The following POP4 variants were observed in gnomAD, a reference collection of about 807,000 sequenced individuals.
The protein encoded by POP4 is POP4 ribonuclease P/MRP subunit.
In POP4, 31 loss-of-function variants were observed where a neutral mutation model predicts 29.9. The observed-to-expected ratio is 1.04, with a 90% CI of 0.78 to 1.40. The LOEUF (loss-of-function observed/expected upper bound fraction) is 1.40, where lower values mean the gene tolerates loss of function less well. Ranked by LOEUF, POP4 falls within the 40% of genes most tolerant of loss-of-function variation. POP4 has a pLI of 0.00. For synonymous variants in POP4, 110 were observed against 108.2 expected, an observed-to-expected ratio of 1.02 and a Z score of -0.10; for missense variants, 286 against 282.7, an observed-to-expected ratio of 1.01 and a Z score of -0.08.
intron 6 of POP4, 148 bp downstream of exon 6, chr19:29,614,120 G>GGGGATGGTCTCTGC: frequency 7.0e-7 from 1 of 1,422,412 alleles, no homozygotes; most frequent in Non-Finnish European, 9.2e-7. Context: ...AAAGCCTGCA[G>GGGGATGGTCTCTGC]AGACCATCCC....
rs111455296 is a variant in POP4, at chr19:29,613,742, G to A, written c.425-129G>A. The stretch of plus-strand genomic sequence containing the variant: ...CCCAGCTGTTGAGCCCCCACCCCCT[G>A]GGTGCTCTGTTCTTTCATCTGCTAG... On this transcript the variant is annotated intron_variant, in intron 5 of 6. Coordinates refer to ENST00000585603, the MANE Select transcript of POP4 (RefSeq NM_006627.3). The A allele has an allele frequency of 1.3e-5, 19 of 1,410,112 alleles. 1 individual carries two copies. The African/African-American group carries it at 1.4e-4, about 11-fold the overall frequency. 87.3% of individuals were successfully genotyped at this position (1,410,112 alleles called of 1,614,324 possible).
At chr19:29,613,586 T>C (rs758887332) in intron 5 of POP4, among the ~76,000 whole-genome samples, 3 of 152,212 alleles carry the variant, frequency 2.0e-5, no homozygotes, top group African/African-American at 7.2e-5. Context: ...TGGGCACATA[T>C]GTGACCTTTA....
Position 29,616,423 on chromosome 19 carries a change from TC to T in POP4, c.*1044del, listed in dbSNP as rs534358058. ...CCTTTGAGGAGCAAGTCTCTGCCGA[TC>T]AGCAAGGCAAGGCCAGGAGCCCTCC... On this transcript the variant is annotated 3_prime_UTR_variant, in exon 7 of 7. Transcript: ENST00000585603. The T allele has an allele frequency of 6.2e-4, 94 of 152,304 alleles. 2 individuals are homozygous for T. The highest frequency in any genetic ancestry group is 2.2e-3 in the African/African-American group (91 of 41,516). 9.4% of individuals were successfully genotyped at this position (152,304 alleles called of 1,614,324 possible).
chr19:29,614,337 C>T (rs1971107091), intron 6 of POP4, among the ~76,000 whole-genome samples: 2 of 152,158 alleles, frequency 1.3e-5, no homozygotes, highest in Admixed American at 6.6e-5. Flanking sequence ...ACAGGAGTGG[C>T]GCCTGTCCCT....
intron 2 of POP4, among the ~76,000 whole-genome samples, chr19:29,609,635 T>G (rs1263298387): frequency 6.6e-6 from 1 of 152,062 alleles, no homozygotes; most frequent in Non-Finnish European, 1.5e-5. Context: ...CTTTGTTTGT[T>G]TGTTTGTTTG....
chr19:29,610,590 G>A lies in POP4; in HGVS notation c.242G>A (p.Arg81Lys), dbSNP rs761155586. 6.2e-7 allele frequency: 1 copy of A among 1,614,180 alleles called. No individual in the cohort carries two copies. Among genetic ancestry groups the A allele is most frequent in the Non-Finnish European group, 8.5e-7 (1 of 1,180,046 alleles). ...KKAKGLSARQ[R>K]RELRLFDIKP... ...GCCAAAGGCCTCTCTGCCAGGCAAA[G>A]GAGGGAGCTGCGGCTCTTTGACATT... Residue 81 changes from arginine to lysine, a missense_variant, in exon 3 of 7, where the codon AGG becomes AAG. Arg to Lys is a conservative substitution (Grantham distance 26). Transcript: ENST00000585603.
rs1971139172 is a variant in POP4, at chr19:29,616,970, C to G, written c.*1590C>G. On this transcript the variant is annotated 3_prime_UTR_variant, in exon 7 of 7. Coordinates refer to ENST00000585603, the MANE Select transcript of POP4 (RefSeq NM_006627.3). ...GATTGAGATTTGGACCTAATAGGCT[C>G]CAGAACTGTGCTTTGAGCTACAGGG... 1 of 152,144 alleles carries G rather than the reference C, an allele frequency of 6.6e-6. No individual in the cohort carries two copies. The allele number at this position is 152,144 out of a possible 1,614,324, so 9.4% of individuals were successfully genotyped here. A position where few individuals can be genotyped will look rare whatever the true frequency, so the allele number is the denominator to read the frequency against.
In POP4 at chr19:29,615,329, A is replaced by G; in HGVS notation, c.612A>G (p.Ser204=). Residue 204 remains serine, a synonymous_variant, in exon 7 of 7, where the codon TCA becomes TCG. Transcript: ENST00000585603. ...YIYGSKFQLR[S]SERSAKKFKA... ...ACGGGAGCAAATTCCAGCTTCGGTCAAGTGAACGGTCTGCGAAGAAGTTCA... is the reference window on the plus strand; with the variant it reads ...ACGGGAGCAAATTCCAGCTTCGGTCGAGTGAACGGTCTGCGAAGAAGTTCA... The G allele has an allele frequency of 6.2e-7, 1 of 1,613,486 alleles. No homozygotes were observed. The highest frequency in any genetic ancestry group is 8.5e-7 in the Non-Finnish European group (1 of 1,179,932).
rs181048017 is a variant in POP4 at position 29,608,513 on chromosome 19, G to A, written c.8-144G>A. 6.9e-4 allele frequency: 487 copies of A among 708,424 alleles called. 3 individuals carry two copies. In the East Asian group the frequency reaches 0.012, roughly 17 times the overall value. The allele number at this position is 708,424 out of a possible 1,614,324, so 43.9% of individuals were successfully genotyped here. On this transcript the variant is annotated intron_variant, in intron 1 of 6. Transcript: ENST00000585603. ...AACTCCTGACCTTGGGTCAGGATCC[G>A]CCCGCCTTGGCCTCCCAAAGTGCTA...
intron 1 of POP4, 59 bp from the exon 2 acceptor site, chr19:29,608,598 C>T: frequency 6.6e-7 from 1 of 1,509,222 alleles, no homozygotes; most frequent in African/African-American, 1.4e-5. Context: ...TTAGAAAAGT[C>T]TTGGGTCTTA....
At position 29,610,583 on chromosome 19, in the gene POP4, AG is replaced by A; in HGVS notation, c.237del (p.Arg79SerfsTer47). The A allele has an allele frequency of 6.2e-6, 10 of 1,614,194 alleles. No individual in the cohort carries two copies. The highest frequency in any genetic ancestry group is 8.5e-6 in the Non-Finnish European group (10 of 1,180,040). On this transcript the variant is annotated frameshift_variant, in exon 3 of 7. Transcript: ENST00000585603. LOFTEE classifies it high-confidence loss of function. Reference sequence around the variant, plus strand: ...GAAGAAAGCCAAAGGCCTCTCTGCCAGGCAAAGGAGGGAGCTGCGGCTCTTT... The same window carrying A: ...GAAGAAAGCCAAAGGCCTCTCTGCCAGCAAAGGAGGGAGCTGCGGCTCTTT... ...KKKKAKGLSA[R>X]QRRELRLFDI... is the part of the protein sequence containing the mutation.
At position 29,612,165 on chromosome 19, in the gene POP4, G is replaced by C. The variant is rs146749010; in HGVS notation, c.411G>C (p.Gly137=). 11 of 1,609,586 alleles carry C rather than the reference G, an allele frequency of 6.8e-6. No homozygotes were observed. The African/African-American group carries it at 1.2e-4, about 18-fold the overall frequency. ...QAKLLKADLH[G]AIISVTKSKC... is the part of the protein sequence containing the mutation. Reference sequence around the variant, plus strand: ...AGCTCTTAAAGGCAGATCTTCACGGGGCTATTATTTCAGGTAATTTACCTA... The same window carrying C: ...AGCTCTTAAAGGCAGATCTTCACGGCGCTATTATTTCAGGTAATTTACCTA... The change falls in exon 5 of 7, where the codon GGG becomes GGC. Residue 137 remains glycine, a synonymous_variant. Transcript: ENST00000585603.
chr19:29,612,278 C>T (rs529654983), intron 5 of POP4, 100 bp downstream of exon 5: 62 of 1,140,662 alleles, frequency 5.4e-5, no homozygotes, highest in Middle Eastern at 2.4e-4. Context: ...CACTCTTTAC[C>T]GTGTGGATTC....
chr19:29,616,398 C>G lies in POP4; in HGVS notation c.*1018C>G, dbSNP rs1274564443. The G allele has an allele frequency of 6.6e-6, 1 of 152,282 alleles. No homozygotes were observed. Among genetic ancestry groups the G allele is most frequent in the South Asian group, 2.1e-4 (1 of 4,826 alleles). 9.4% of individuals were successfully genotyped at this position (152,282 alleles called of 1,614,324 possible). ...GCTCAGAAGGACCAACTACCCCTTC[C>G]CTTTGAGGAGCAAGTCTCTGCCGAT... On this transcript the variant is annotated 3_prime_UTR_variant, in exon 7 of 7. Transcript: ENST00000585603.
chr19:29,612,889 G>A (rs548434122), intron 5 of POP4, among the ~76,000 whole-genome samples: 10 of 152,296 alleles, frequency 6.6e-5, no homozygotes, highest in South Asian at 2.1e-4. Flanking sequence ...CCAGAGTGCC[G>A]GTTACGTAGA....
In POP4 at chr19:29,616,105, T is replaced by C. The variant is rs1971128271; in HGVS notation, c.*725T>C. 1 of 152,206 alleles carries C rather than the reference T, an allele frequency of 6.6e-6. No homozygotes were observed. The highest frequency in any genetic ancestry group is 2.4e-5 in the African/African-American group (1 of 41,432). 9.4% of individuals were successfully genotyped at this position (152,206 alleles called of 1,614,324 possible). Reference sequence around the variant, plus strand: ...ACTCCTGAGCTGCCAGGCTGAGCCATGGAGGACTGAAAGGAGGTCGCCCGG... The same window carrying C: ...ACTCCTGAGCTGCCAGGCTGAGCCACGGAGGACTGAAAGGAGGTCGCCCGG... On this transcript the variant is annotated 3_prime_UTR_variant, in exon 7 of 7. Transcript: ENST00000585603.
At chr19:29,608,236 G>A (rs973408109) in intron 1 of POP4, among the ~76,000 whole-genome samples, 1 of 107,392 alleles carries the variant, frequency 9.3e-6, no homozygotes, top group Non-Finnish European at 1.9e-5. Flanking sequence ...GTGTAGAAGT[G>A]TAGTTATTTT....
Position 29,616,116 on chromosome 19 carries a change from AAGG to A in POP4, c.*740_*742del, listed in dbSNP as rs1186879065. ...GCCAGGCTGAGCCATGGAGGACTGAAAGGAGGTCGCCCGGCATCACCTCCCGAG... is the reference window on the plus strand; with the variant it reads ...GCCAGGCTGAGCCATGGAGGACTGAAAGGTCGCCCGGCATCACCTCCCGAG... On this transcript the variant is annotated 3_prime_UTR_variant, in exon 7 of 7. Transcript: ENST00000585603. 12 of 152,230 alleles carry A rather than the reference AAGG, an allele frequency of 7.9e-5. No individual in the cohort carries two copies. Among genetic ancestry groups the A allele is most frequent in the Admixed American group, 7.9e-4 (12 of 15,284 alleles). The allele number at this position is 152,230 out of a possible 1,614,324, so 9.4% of individuals were successfully genotyped here.
chr19:29,608,351 C>T (rs1044267572), intron 1 of POP4, among the ~76,000 whole-genome samples: 6 of 144,452 alleles, frequency 4.2e-5, no homozygotes, highest in African/African-American at 1.5e-4. Flanking sequence ...ATTGCAGCCT[C>T]TGCCTCCCAG....
Sources: gnomAD v4.1 joint callset for allele counts (sites outside exome capture counted in the v4.1 genomes callset) on GRCh38, gnomAD v4.1.1 for gene constraint, MANE v1.5 for transcripts, NCBI Gene and HGNC (gene_info 2026-07-23, HGNC 2026-07-21) for gene names.